IL1R2: variants seen among roughly 807,000 people sequenced by gnomAD.
IL1R2 encodes interleukin 1 receptor type 2.
Under a neutral mutation model 39.5 loss-of-function variants are expected in IL1R2, and 46 were observed. The ratio of observed to expected loss-of-function variants is 1.16; its 90% CI spans 0.92 to 1.49. The LOEUF is 1.49. Among genes scored for constraint, IL1R2 ranks in the 40% most tolerant of loss-of-function variants. The pLI is 0.00. For synonymous variants in IL1R2, 207 were observed against 189.6 expected (o/e 1.09, Z -0.75); for missense variants, 537 against 502.0 (o/e 1.07, Z -0.67).
intron 4 of IL1R2, among the ~76,000 whole-genome samples, chr2:102,019,317 G>T (rs1408323984): frequency 6.6e-6 from 1 of 152,184 alleles, no homozygotes; most frequent in African/African-American, 2.4e-5. Flanking sequence ...CCTGAAGGTA[G>T]CAGTCAGGAC....
intron 1 of IL1R2, among the ~76,000 whole-genome samples, chr2:101,998,281 A>G (rs1675685717): frequency 6.6e-6 from 1 of 152,176 alleles, no homozygotes; most frequent in South Asian, 2.1e-4. Context: ...TCTGCGCTTA[A>G]AATCCCGAAA....
Position 102,009,799 on chromosome 2 carries a change from A to C in IL1R2, c.305A>C (p.Asp102Ala). The C allele has an allele frequency of 2.5e-6, 4 of 1,613,922 alleles. No individual in the cohort carries two copies. Among genetic ancestry groups the C allele is most frequent in the Non-Finnish European group, 3.4e-6 (4 of 1,179,968 alleles). ...TGGCTTCTGCCAGCCTTGCAGGAGGACTCTGGCACCTACGTCTGCACTACT... is the reference window on the plus strand; with the variant it reads ...TGGCTTCTGCCAGCCTTGCAGGAGGCCTCTGGCACCTACGTCTGCACTACT... ...ALWLLPALQE[D>A]SGTYVCTTRN... The change falls in exon 3 of 9, where the codon GAC becomes GCC. Residue 102 changes from aspartate (D) to alanine (A), a missense_variant. Physicochemically the swap from Asp to Ala is moderately radical, Grantham distance 126. Coordinates refer to ENST00000332549, the MANE Select transcript of IL1R2 (RefSeq NM_004633.4).
intron 6 of IL1R2, 58 bp downstream of exon 6, chr2:102,022,307 T>C (rs907629287): frequency 2.4e-5 from 34 of 1,433,610 alleles, no homozygotes; most frequent in Admixed American, 1.2e-4. Flanking sequence ...GGTATCCCAA[T>C]GCAGGGGGCT....
At chr2:101,995,921 T>G (rs1283666011) in intron 1 of IL1R2, among the ~76,000 whole-genome samples, 1 of 151,560 alleles carries the variant, frequency 6.6e-6, no homozygotes, top group Non-Finnish European at 1.5e-5. Context: ...AGCAAGTGAG[T>G]GGATTGATGG....
Position 102,002,548 on chromosome 2 carries a change from T to G in IL1R2, c.-61-5967T>G, listed in dbSNP as rs115688347. Among the ~76,000 whole-genome samples the G allele has an allele frequency of 8.8e-3, 1,326 of 151,384 alleles. 22 individuals carry two copies. The highest frequency in any genetic ancestry group is 0.031 in the African/African-American group (1,271 of 41,196). The stretch of plus-strand genomic sequence containing the variant: ...AGGTCTAGGTCTAGGTCTGTGTCTA[T>G]GTCTATGTGTATGTCTAATCTAGGT... On this transcript the variant is annotated intron_variant, in intron 1 of 8. Transcript: ENST00000332549.
At chr2:101,995,214 C>T (rs1189533922) in intron 1 of IL1R2, among the ~76,000 whole-genome samples, 3 of 152,150 alleles carry the variant, frequency 2.0e-5, no homozygotes, top group African/African-American at 7.2e-5. Context: ...GCTGGGTGGG[C>T]CTGACATAAC....
intron 3 of IL1R2, among the ~76,000 whole-genome samples, chr2:102,012,700 C>A (rs139601906): frequency 1.1e-3 from 161 of 152,312 alleles, no homozygotes; most frequent in African/African-American, 3.3e-3. Context: ...AGCAGGCAAA[C>A]CATCTTCTAT....
At chr2:102,019,860 G>C (rs1049286547) in intron 5 of IL1R2, 48 bp downstream of exon 5, 2 of 1,503,852 alleles carry the variant, frequency 1.3e-6, no homozygotes, top group East Asian at 2.3e-5. Flanking sequence ...TCAATAACAA[G>C]CATGCAGAGA....
intron 1 of IL1R2, among the ~76,000 whole-genome samples, chr2:101,994,269 G>C (rs1312452340): frequency 2.0e-5 from 3 of 152,028 alleles, no homozygotes; most frequent in Non-Finnish European, 4.4e-5. Flanking sequence ...GACCTCCAAA[G>C]CCTGTTTGAC....
In IL1R2 at chr2:102,016,070, C is replaced by G; in HGVS notation, c.513+19C>G. On this transcript the variant is annotated intron_variant, in intron 4 of 8. Coordinates refer to ENST00000332549, the MANE Select transcript of IL1R2 (RefSeq NM_004633.4). ...GTACAAGGTACGGCTTTAAAAAATGCCATTTTACTAAAATGTGTTTTCTTT... is the reference window on the plus strand; with the variant it reads ...GTACAAGGTACGGCTTTAAAAAATGGCATTTTACTAAAATGTGTTTTCTTT... 3 of 1,573,114 alleles carry G rather than the reference C, an allele frequency of 1.9e-6. No individual in the cohort carries two copies. Among genetic ancestry groups the G allele is most frequent in the Non-Finnish European group, 2.6e-6 (3 of 1,155,296 alleles).
At chr2:102,024,460 T>G in intron 6 of IL1R2, 73 bp from the exon 7 acceptor site, 1 of 1,077,780 alleles carries the variant, frequency 9.3e-7, no homozygotes, top group African/African-American at 1.5e-5. Flanking sequence ...GAGGAGGGAC[T>G]CAGGGCTCAG....
intron 3 of IL1R2, among the ~76,000 whole-genome samples, chr2:102,013,038 T>C (rs758789246): frequency 1.3e-5 from 2 of 152,170 alleles, no homozygotes; most frequent in Non-Finnish European, 2.9e-5. Flanking sequence ...GGTCAATATA[T>C]ACATAAAAAT....
chr2:102,008,702 G>A (rs1231990534), intron 2 of IL1R2, 60 bp downstream of exon 2: 66 of 1,409,118 alleles, frequency 4.7e-5, no homozygotes, highest in Non-Finnish European at 6.4e-5. Context: ...GGGGAAAGAT[G>A]TTATCTAGAG....
chr2:102,010,213 G>A, intron 3 of IL1R2: 1 of 192,410 alleles, frequency 5.2e-6, no homozygotes, highest in Non-Finnish European at 1.1e-5. Flanking sequence ...CTTGGTCTAT[G>A]TTGTTCACTG....
At chr2:102,004,662 C>T (rs1038833088) in intron 1 of IL1R2, among the ~76,000 whole-genome samples, 2 of 152,274 alleles carry the variant, frequency 1.3e-5, no homozygotes, top group African/African-American at 2.4e-5. Flanking sequence ...TAGTGTTTTG[C>T]TGCAAACTTC....
At position 102,008,662 on chromosome 2, in the gene IL1R2, G is replaced by A. The variant is rs760871632; in HGVS notation, c.67+20G>A. On this transcript the variant is annotated intron_variant, in intron 2 of 8. Transcript: ENST00000332549. Reference sequence around the variant, plus strand: ...ACACAGGTTAGAAGTAAACCTTTCAGATGCAAAAAGGCTTGCCTGTAGCTT... The same window carrying A: ...ACACAGGTTAGAAGTAAACCTTTCAAATGCAAAAAGGCTTGCCTGTAGCTT... 6.2e-7 allele frequency: 1 copy of A among 1,605,130 alleles called. No individual in the cohort carries two copies. The highest frequency in any genetic ancestry group is 1.1e-5 in the South Asian group (1 of 90,852).
chr2:102,021,593 C>T (rs1324786633), intron 5 of IL1R2, among the ~76,000 whole-genome samples: 1 of 152,188 alleles, frequency 6.6e-6, no homozygotes, highest in Non-Finnish European at 1.5e-5. Context: ...GGATTACAGG[C>T]GTGAGCCACT....
chr2:102,004,397 T>G (rs1676136099), intron 1 of IL1R2, among the ~76,000 whole-genome samples: 2 of 151,932 alleles, frequency 1.3e-5, no homozygotes, highest in Non-Finnish European at 2.9e-5. Flanking sequence ...CCTTTCACAC[T>G]TCACACATTT....
At chr2:102,014,045 CTTTT>C (rs960586634) in intron 3 of IL1R2, among the ~76,000 whole-genome samples, 2 of 152,090 alleles carry the variant, frequency 1.3e-5, no homozygotes, top group Non-Finnish European at 2.9e-5. Context: ...CCTTCTCTTT[CTTTT>C]GAGTTATTTT....
Sources: allele counts gnomAD v4.1 joint callset (sites outside exome capture counted in the v4.1 genomes callset), GRCh38; gene constraint gnomAD v4.1.1; transcripts MANE v1.5; gene names NCBI Gene and HGNC (gene_info 2026-07-23, HGNC 2026-07-21).